PPEF1: variants seen among roughly 807,000 people sequenced by gnomAD.
PPEF1 encodes the protein protein phosphatase with EF-hand domain 1, also known as serine/threonine-protein phosphatase with EF-hands 1.
PPEF1 carries 12 observed loss-of-function variants against 53.3 expected under a neutral mutation model. The ratio of observed to expected loss-of-function variants is 0.23; its 90% CI spans 0.14 to 0.36. PPEF1 has a LOEUF of 0.36. Among genes scored for constraint, PPEF1 ranks in the 10% least tolerant of loss-of-function variants. The probability of loss-of-function intolerance (pLI) is 1.00; values close to 1 mark genes in which losing one functional copy is unlikely to be tolerated. For synonymous variants in PPEF1, 165 were observed against 176.7 expected (o/e 0.93, Z 0.52); for missense variants, 334 against 490.4 (o/e 0.68, Z 3.01).
chrX:18,780,361 G>A (rs2046058567), intron 7 of PPEF1, among the ~76,000 whole-genome samples: 1 of 112,243 alleles, frequency 8.9e-6, no homozygotes, highest in South Asian at 3.7e-4. Context: ...ACAGTGAGGG[G>A]ACAACTTATG....
intron 12 of PPEF1, among the ~76,000 whole-genome samples, chrX:18,816,290 T>G (rs2046912056): frequency 8.9e-6 from 1 of 112,001 alleles, no homozygotes; most frequent in Admixed American, 9.6e-5. Flanking sequence ...TTCTCATATT[T>G]GTGACTTGCC....
intron 5 of PPEF1, chrX:18,699,955 A>T (rs1929964951): frequency 8.9e-6 from 1 of 112,606 alleles, no homozygotes; most frequent in Non-Finnish European, 1.9e-5. Context: ...ATGGCAGATT[A>T]TGCACACAAT....
chrX:18,788,161 GA>G, intron 9 of PPEF1, among the ~76,000 whole-genome samples: 1 of 109,591 alleles, frequency 9.1e-6, no homozygotes. Flanking sequence ...CTAAAAAATA[GA>G]AAAAATTAGC....
chrX:18,682,399 T>G (rs1468342159), upstream of PPEF1, among the ~76,000 whole-genome samples: 1 of 112,082 alleles, frequency 8.9e-6, no homozygotes, highest in Non-Finnish European at 1.9e-5. Context: ...TTGTTTCTAC[T>G]TTGGCGAGTT....
At chrX:18,767,059 A>G (rs762839253) in intron 6 of PPEF1, among the ~76,000 whole-genome samples, 38 of 111,221 alleles carry the variant, frequency 3.4e-4, no homozygotes, top group African/African-American at 1.2e-3. Flanking sequence ...TCTCAGAAAA[A>G]AAAAGAAAAG....
intron 6 of PPEF1, among the ~76,000 whole-genome samples, chrX:18,765,293 G>A (rs1216333739): frequency 1.8e-5 from 2 of 111,611 alleles, no homozygotes; most frequent in Admixed American, 1.9e-4. Context: ...CCAGAATCTC[G>A]AAACTGCCTG....
chrX:18,808,068 G>C (rs2046717041), intron 12 of PPEF1, among the ~76,000 whole-genome samples: 1 of 105,847 alleles, frequency 9.4e-6, no homozygotes, highest in Non-Finnish European at 1.9e-5. Flanking sequence ...TTGGGTTCAA[G>C]CAATTCTCCT....
chrX:18,726,351 C>CAAATAAAT (rs557593698), intron 1 of PPEF1, among the ~76,000 whole-genome samples: 7,217 of 94,696 alleles, frequency 0.076, 379 homozygotes, highest in African/African-American at 0.14. Context: ...GACTCTGACT[C>CAAATAAAT]AAATAAATAA....
chrX:18,675,090 T>G (rs764092638), upstream of PPEF1, among the ~76,000 whole-genome samples: 8 of 112,191 alleles, frequency 7.1e-5, no homozygotes, highest in South Asian at 3.0e-3. Flanking sequence ...AGGCGAGGAG[T>G]TTGCGGCGGC....
exon 1 of PPEF1, chrX:18,675,962 G>GA (rs368729653): frequency 2.2e-5 from 2 of 92,944 alleles, no homozygotes; most frequent in Non-Finnish European, 2.1e-5. Flanking sequence ...TGGGCGGGGG[G>GA]GGGGGGGCAT....
rs1361700422 is a variant in PPEF1, at chrX:18,730,195, T to C, written c.61T>C (p.Leu21=). 6 of 1,208,021 alleles carry C rather than the reference T, an allele frequency of 5.0e-6. No homozygotes were observed. The highest frequency in any genetic ancestry group is 2.3e-4 in the Middle Eastern group (1 of 4,374). Residue 21 remains leucine, a synonymous_variant, in exon 2 of 16, where the codon TTG becomes CTG. Coordinates refer to ENST00000470157, the MANE Select transcript of PPEF1 (RefSeq NM_001377996.1). The part of the protein sequence containing the change: ...RRSDTSLRAA[L]IIQNWYRGYK... The stretch of plus-strand genomic sequence containing the variant: ...TGGGTCTGCAGCACTGAGAGCTGCG[T>C]TGATCATCCAGAACTGGTACCGAGG...
chrX:18,761,400 A>G (rs1008937842), intron 5 of PPEF1, 130 bp from the exon 6 acceptor site: 2 of 563,065 alleles, frequency 3.6e-6, no homozygotes, highest in African/African-American at 4.5e-5. Context: ...TGCCTGTCAA[A>G]TTAACATCGT....
chrX:18,783,889 T>G lies in PPEF1; in HGVS notation c.763-10T>G. On this transcript the variant is annotated splice_polypyrimidine_tract_variant and intron_variant, in intron 8 of 15. Coordinates refer to ENST00000470157, the MANE Select transcript of PPEF1 (RefSeq NM_001377996.1). ...AGAAAAACAAAACTTACTCAAGCTC[T>G]TACTTACAGCTACATGGAAAAAGAA... is the stretch of plus-strand genomic sequence containing the variant. 8.3e-7 allele frequency: 1 copy of G among 1,204,905 alleles called. No homozygotes were observed. Among genetic ancestry groups the G allele is most frequent in the Non-Finnish European group, 1.1e-6 (1 of 892,432 alleles).
At chrX:18,702,063 G>C (rs1930161103) in intron 6 of PPEF1, among the ~76,000 whole-genome samples, 2 of 112,005 alleles carry the variant, frequency 1.8e-5, no homozygotes, top group African/African-American at 6.5e-5. Flanking sequence ...TTGCTCCACT[G>C]TTCTACTGGA....
intron 1 of PPEF1, among the ~76,000 whole-genome samples, chrX:18,717,038 C>T (rs762776766): frequency 9.5e-6 from 1 of 105,708 alleles, no homozygotes; most frequent in African/African-American, 3.5e-5. Flanking sequence ...TTGACATGCT[C>T]GGTGACTTTC....
chrX:18,690,664 C>A (rs1170953089), intron 3 of PPEF1, among the ~76,000 whole-genome samples: 1 of 112,548 alleles, frequency 8.9e-6, no homozygotes, highest in Admixed American at 9.4e-5. Flanking sequence ...CATGAGCCAT[C>A]GTGCCTGGCC....
At chrX:18,820,479 G>A (rs759007775) in intron 13 of PPEF1, among the ~76,000 whole-genome samples, 6 of 108,585 alleles carry the variant, frequency 5.5e-5, no homozygotes, top group Non-Finnish European at 7.6e-5. Context: ...TCCGCCTCCC[G>A]GGTTCAAGCA....
chrX:18,726,694 T>C (rs1422510824), intron 1 of PPEF1, among the ~76,000 whole-genome samples: 2 of 109,595 alleles, frequency 1.8e-5, no homozygotes, highest in African/African-American at 6.7e-5. Context: ...GGAGTCTTGC[T>C]CTGTCTCCCA....
In PPEF1 at chrX:18,806,451, C is replaced by T; in HGVS notation, c.1300C>T (p.Arg434Ter). ...TAATTATTATGAAGAAGGCAGCAAT[C>T]GAGGAGCTTACATCAAACTATGTTC... ...ASNYYEEGSNRGAYIKLCSGT... is the reference protein window; with the variant it reads ...ASNYYEEGSN The change falls in exon 12 of 16, where the codon CGA (arginine) becomes TGA (stop). Residue 434 changes from arginine (R) to a stop codon, truncating the protein, a stop_gained. Transcript: ENST00000470157. LOFTEE classifies it high-confidence loss of function. 2 of 1,207,190 alleles carry T rather than the reference C, an allele frequency of 1.7e-6. No homozygotes were observed. Among genetic ancestry groups the T allele is most frequent in the Non-Finnish European group, 2.2e-6 (2 of 891,714 alleles).
Sources: gnomAD v4.1 joint callset for allele counts (sites outside exome capture counted in the v4.1 genomes callset) on GRCh38, gnomAD v4.1.1 for gene constraint, MANE v1.5 for transcripts, NCBI Gene and HGNC (gene_info 2026-07-23, HGNC 2026-07-21) for gene names.